The following HDGF variants were observed in gnomAD, a reference collection of about 807,000 sequenced individuals.
The protein encoded by HDGF is heparin binding growth factor.
A neutral mutation model predicts 30.0 loss-of-function variants in HDGF; 5 were observed. That is an observed-to-expected ratio of 0.17 (90% confidence interval 0.09 to 0.35). The LOEUF (loss-of-function observed/expected upper bound fraction) is 0.35, where lower values mean the gene tolerates loss of function less well. Among genes scored for constraint, HDGF ranks in the 10% least tolerant of loss-of-function variants. HDGF has a pLI of 1.00. For missense variants in HDGF, 214 were observed against 302.8 expected (o/e 0.71, Z 2.18); for synonymous variants, 133 against 112.7 (o/e 1.18, Z -1.14).
chr1:156,750,539 G>A (rs1351775409), intron 1 of HDGF: 1 of 152,482 alleles, frequency 6.6e-6, no homozygotes, highest in African/African-American at 2.4e-5. Context: ...CGTTCTGGCG[G>A]AAGATCTTCA....
upstream of HDGF, chr1:156,751,984 G>T (rs1363089892): frequency 3.3e-6 from 5 of 1,504,178 alleles, no homozygotes; most frequent in Non-Finnish European, 4.5e-6. The surrounding 1 kb of genome is among the most constrained non-coding windows in gnomAD (Gnocchi z 4.7). Context: ...AGGAGCTGGC[G>T]CCCGGCTGGA....
rs1227161937 is a variant in HDGF, at chr1:156,746,272, CTCTGCTTTT to C, written c.88-908_88-900del. On this transcript the variant is annotated intron_variant, in intron 1 of 5. Transcript: ENST00000357325. Reference sequence around the variant, plus strand: ...GACCAGCCCCAAGGTCAGAGACCAGCTCTGCTTTTATCTGCAGCACGGTGCTTAGCATAC... The same window carrying C: ...GACCAGCCCCAAGGTCAGAGACCAGCATCTGCAGCACGGTGCTTAGCATAC... Among the ~76,000 whole-genome samples the C allele has an allele frequency of 5.4e-3, 821 of 152,346 alleles. 11 individuals carry two copies. The highest frequency in any genetic ancestry group is 0.018 in the African/African-American group (756 of 41,572).
intron 2 of HDGF, among the ~76,000 whole-genome samples, chr1:156,758,592 C>CAAAT (rs1651190189): frequency 5.8e-5 from 5 of 86,008 alleles, no homozygotes; most frequent in African/African-American, 2.7e-4. Flanking sequence ...GACTCCGTCT[C>CAAAT]AAAAAAAAAA....
upstream of HDGF, among the ~76,000 whole-genome samples, chr1:156,756,793 C>CCT (rs1309877739): frequency 8.2e-6 from 1 of 122,444 alleles, no homozygotes; most frequent in African/African-American, 3.1e-5. Context: ...AAAAGGTGGT[C>CCT]TTTTTTTTTT....
intron 1 of HDGF, chr1:156,750,753 C>G (rs1015843032): frequency 6.6e-6 from 1 of 152,316 alleles, no homozygotes; most frequent in African/African-American, 2.4e-5. Flanking sequence ...TACGCCGCCC[C>G]CAACGATCCT....
intron 1 of HDGF, among the ~76,000 whole-genome samples, chr1:156,761,962 T>TA (rs138667606): frequency 1.6e-3 from 207 of 131,758 alleles, no homozygotes; most frequent in African/African-American, 5.4e-3. Context: ...ATTAATTAAT[T>TA]AAAAAAAAAA....
At chr1:156,763,188 A>G (rs1431094865) in intron 1 of HDGF, among the ~76,000 whole-genome samples, 1 of 152,162 alleles carries the variant, frequency 6.6e-6, no homozygotes. Context: ...GAGGGAAACA[A>G]ATATGTTTAA....
At chr1:156,752,079 G>A (rs951821542), upstream of HDGF, 1 of 1,551,404 alleles carries the variant, frequency 6.4e-7, no homozygotes, top group African/African-American at 1.4e-5. Flanking sequence ...GTCTGTACAC[G>A]GTTTCCGCCT....
chr1:156,753,380 G>C (rs1651081045), upstream of HDGF, among the ~76,000 whole-genome samples: 2 of 152,124 alleles, frequency 1.3e-5, no homozygotes, highest in Non-Finnish European at 2.9e-5. Context: ...GTTCTAGTTG[G>C]TGTTTACTCT....
chr1:156,755,889 C>A (rs1398156851), upstream of HDGF, among the ~76,000 whole-genome samples: 1 of 152,228 alleles, frequency 6.6e-6, no homozygotes, highest in Non-Finnish European at 1.5e-5. Flanking sequence ...AGACACTTAA[C>A]TACCCTGAGC....
At chr1:156,759,202 A>G (rs1426837530) in exon 2 of HDGF, 1 of 152,186 alleles carries the variant, frequency 6.6e-6, no homozygotes, top group Admixed American at 6.5e-5. Context: ...TGTAGGTAGT[A>G]CATGCCAATG....
chr1:156,752,546 G>T, upstream of HDGF: 7 of 611,350 alleles, frequency 1.1e-5, no homozygotes, highest in Non-Finnish European at 1.7e-5. Context: ...GGGGAGGGGG[G>T]TCTGGGAAGG....
At chr1:156,753,310 C>T (rs1386920946), upstream of HDGF, among the ~76,000 whole-genome samples, 1 of 152,212 alleles carries the variant, frequency 6.6e-6, no homozygotes, top group Non-Finnish European at 1.5e-5. Flanking sequence ...AGGCCCTCAG[C>T]CACAAGCTTG....
In HDGF at chr1:156,751,477, A is replaced by C; in HGVS notation, c.-48T>G. ...GCTCCGCGCCGGGCCGGGAAGCGCG[A>C]GCCCAAGTTTGCGCGTGCGGCGGTG... On this transcript the variant is annotated 5_prime_UTR_variant, in exon 1 of 6. Transcript: ENST00000357325. This position sits in a 1 kb window ranked among gnomAD's most constrained non-coding sequence, Gnocchi z 4.7. The C allele has an allele frequency of 7.2e-7, 1 of 1,393,406 alleles. No individual in the cohort carries two copies. Among genetic ancestry groups the C allele is most frequent in the Non-Finnish European group, 9.4e-7 (1 of 1,063,244 alleles). 86.3% of individuals were successfully genotyped at this position (1,393,406 alleles called of 1,614,324 possible).
upstream of HDGF, among the ~76,000 whole-genome samples, chr1:156,757,161 G>A (rs1456914573): frequency 6.6e-6 from 1 of 151,566 alleles, no homozygotes; most frequent in Non-Finnish European, 1.5e-5. Flanking sequence ...GCCAACACAT[G>A]TGGACATTTA....
In HDGF at chr1:156,743,217, A is replaced by G; in HGVS notation, c.*232T>C. On this transcript the variant is annotated 3_prime_UTR_variant, in exon 6 of 6. Coordinates refer to ENST00000357325, the MANE Select transcript of HDGF (RefSeq NM_004494.3). ...CCTCAACTCATTCCAGGGAGAAGACATGGCTCTGACTCAGATCATAGGAGT... is the reference window on the plus strand; with the variant it reads ...CCTCAACTCATTCCAGGGAGAAGACGTGGCTCTGACTCAGATCATAGGAGT... 2.2e-6 allele frequency: 1 copy of G among 452,176 alleles called. No individual in the cohort carries two copies. 28.0% of individuals were successfully genotyped at this position (452,176 alleles called of 1,614,324 possible).
Position 156,744,087 on chromosome 1 carries a change from G to A in HDGF, c.489+76C>T. On this transcript the variant is annotated intron_variant, in intron 4 of 5. Coordinates refer to ENST00000357325, the MANE Select transcript of HDGF (RefSeq NM_004494.3). ...GACCTCTCAGACTGGGCACCCCTGA[G>A]GCAAAGCCCTGCTCCTGTGGGATAC... 4.0e-6 allele frequency: 6 copies of A among 1,501,432 alleles called. No individual in the cohort carries two copies. The South Asian group carries it at 5.6e-5, about 14-fold the overall frequency. 93.0% of individuals were successfully genotyped at this position (1,501,432 alleles called of 1,614,324 possible).
At position 156,751,476 on chromosome 1, in the gene HDGF, G is replaced by A. The variant is rs547861757; in HGVS notation, c.-47C>T. On this transcript the variant is annotated 5_prime_UTR_variant, in exon 1 of 6. Transcript: ENST00000357325. This position sits in a 1 kb window ranked among gnomAD's most constrained non-coding sequence, Gnocchi z 4.7. ...GGCTCCGCGCCGGGCCGGGAAGCGC[G>A]AGCCCAAGTTTGCGCGTGCGGCGGT... 1.3e-5 allele frequency: 19 copies of A among 1,430,132 alleles called. No homozygotes were observed. Among genetic ancestry groups the A allele is most frequent in the Admixed American group, 4.9e-5 (2 of 41,026 alleles). 88.6% of individuals were successfully genotyped at this position (1,430,132 alleles called of 1,614,324 possible).
At position 156,745,071 on chromosome 1, in the gene HDGF, T is replaced by C. The variant is rs1318322510; in HGVS notation, c.240A>G (p.Lys80=). 4 of 1,613,850 alleles carry C rather than the reference T, an allele frequency of 2.5e-6. No homozygotes were observed. The highest frequency in any genetic ancestry group is 1.7e-5 in the Admixed American group (1 of 59,988). ...KEKFGKPNKR[K]GFSEGLWEIE... is the part of the protein sequence containing the mutation. Reference sequence around the variant, plus strand: ...TCTCCCACAGCCCCTCGCTGAACCCTTTCCTCTTGTTGGGCTTGCCAAACT... The same window carrying C: ...TCTCCCACAGCCCCTCGCTGAACCCCTTCCTCTTGTTGGGCTTGCCAAACT... The change falls in exon 3 of 6, where the codon AAA becomes AAG. Residue 80 remains lysine, a synonymous_variant. Coordinates refer to ENST00000357325, the MANE Select transcript of HDGF (RefSeq NM_004494.3).
Sources: gnomAD v4.1 joint callset for allele counts (sites outside exome capture counted in the v4.1 genomes callset) on GRCh38, gnomAD v4.1.1 for gene constraint, Gnocchi (gnomAD v3.1) non-coding constraint, MANE v1.5 for transcripts, NCBI Gene and HGNC (gene_info 2026-07-23, HGNC 2026-07-21) for gene names.